DGKB: variants seen among roughly 807,000 people sequenced by gnomAD.
The protein encoded by DGKB is 90 kDa diacylglycerol kinase.
DGKB carries 67 observed loss-of-function variants against 114.3 expected under a neutral mutation model. That is an observed-to-expected ratio of 0.59 (90% CI 0.48 to 0.72). DGKB has a LOEUF of 0.72. Among genes scored for constraint, DGKB ranks in the 30% least tolerant of loss-of-function variants. The pLI, the probability that DGKB is intolerant of heterozygous loss-of-function variation, is 0.00. For missense variants in DGKB, 907 were observed against 975.2 expected (o/e 0.93, Z 0.93); for synonymous variants, 398 against 323.1 (o/e 1.23, Z -2.49).
intron 25 of DGKB, among the ~76,000 whole-genome samples, chr7:14,165,585 T>G (rs974671770): frequency 2.0e-5 from 3 of 152,284 alleles, no homozygotes; most frequent in Non-Finnish European, 4.4e-5. Context: ...CTATTGTTTC[T>G]TGAACTAAAA....
chr7:14,479,704 C>G (rs1212011332), intron 20 of DGKB, among the ~76,000 whole-genome samples: 5 of 152,014 alleles, frequency 3.3e-5, no homozygotes, highest in Non-Finnish European at 5.9e-5. Flanking sequence ...ACATATTATA[C>G]TTTATAATAT....
intron 20 of DGKB, among the ~76,000 whole-genome samples, chr7:14,513,567 T>A (rs1788305596): frequency 6.6e-6 from 1 of 152,070 alleles, no homozygotes; most frequent in Admixed American, 6.5e-5. Flanking sequence ...GTCAACAGAA[T>A]GATTTTATTA....
At chr7:14,199,265 C>T (rs551880013) in intron 23 of DGKB, among the ~76,000 whole-genome samples, 4 of 151,820 alleles carry the variant, frequency 2.6e-5, no homozygotes, top group Non-Finnish European at 4.4e-5. Context: ...AGTAATTGAG[C>T]GTGATGGGTC....
intron 13 of DGKB, among the ~76,000 whole-genome samples, chr7:14,644,115 G>GC (rs1341743253): frequency 1.1e-4 from 13 of 121,102 alleles, no homozygotes; most frequent in South Asian, 4.7e-4. Context: ...TTGATTACAG[G>GC]CAAAAAAAAA....
intron 20 of DGKB, among the ~76,000 whole-genome samples, chr7:14,573,151 A>G (rs1243459000): frequency 6.6e-6 from 1 of 152,170 alleles, no homozygotes; most frequent in African/African-American, 2.4e-5. Context: ...TACTGTTTTT[A>G]TACCAACGTG....
At position 14,343,034 on chromosome 7, in the gene DGKB, C is replaced by T. The variant is rs577540582; in HGVS notation, c.1926+2267G>A. Among the ~76,000 whole-genome samples, 19 of 151,620 alleles carry T rather than the reference C, an allele frequency of 1.3e-4. No individual in the cohort carries two copies. The South Asian group carries it at 2.3e-3, about 18-fold the overall frequency. On this transcript the variant is annotated intron_variant, in intron 22 of 25. Coordinates refer to ENST00000402815, the MANE Select transcript of DGKB (RefSeq NM_001350709.2). ...GCAACAACAAACAGAATCAAATTTTCGAATTTCTGTTTTTGTTATATTTAA... is the reference window on the plus strand; with the variant it reads ...GCAACAACAAACAGAATCAAATTTTTGAATTTCTGTTTTTGTTATATTTAA...
At chr7:14,542,808 T>C (rs748277697) in intron 20 of DGKB, among the ~76,000 whole-genome samples, 8 of 152,184 alleles carry the variant, frequency 5.3e-5, no homozygotes, top group Non-Finnish European at 8.8e-5. Context: ...TTGGAGATTT[T>C]ATCTGTTGTT....
intron 1 of DGKB, among the ~76,000 whole-genome samples, chr7:14,875,579 T>C (rs1035883614): frequency 2.6e-5 from 4 of 152,236 alleles, no homozygotes; most frequent in Non-Finnish European, 5.9e-5. Context: ...AGGACTACTG[T>C]TGATCTTCTT....
chr7:14,796,283 G>C (rs1422639315), intron 2 of DGKB, among the ~76,000 whole-genome samples: 1 of 152,106 alleles, frequency 6.6e-6, no homozygotes, highest in Non-Finnish European at 1.5e-5. Context: ...TTCTCTACTT[G>C]AAGAAGATCA....
chr7:14,378,212 T>C (rs1011723014), intron 21 of DGKB, among the ~76,000 whole-genome samples: 2 of 152,206 alleles, frequency 1.3e-5, no homozygotes, highest in East Asian at 1.9e-4. Context: ...GGGTCCCTTT[T>C]TTCTGCTACT....
intron 6 of DGKB, among the ~76,000 whole-genome samples, chr7:14,704,790 A>G (rs1461073528): frequency 6.6e-6 from 1 of 152,178 alleles, no homozygotes; most frequent in African/African-American, 2.4e-5. Context: ...AACAAACAGA[A>G]AGGACATCCA....
At chr7:14,912,830 C>G (rs1003197150) in intron 1 of DGKB, among the ~76,000 whole-genome samples, 1 of 152,168 alleles carries the variant, frequency 6.6e-6, no homozygotes, top group Non-Finnish European at 1.5e-5. Flanking sequence ...ACGTCTACCT[C>G]TTACCTACAG....
chr7:14,773,472 G>T (rs1562498661), intron 2 of DGKB, among the ~76,000 whole-genome samples: 1 of 152,194 alleles, frequency 6.6e-6, no homozygotes, highest in Admixed American at 6.6e-5. Context: ...CAGAGTCAGT[G>T]AATTTAAAGT....
rs76277254 is a variant in DGKB at position 14,570,147 on chromosome 7, T to G, written c.1770+4065A>C. Reference sequence around the variant, plus strand: ...ATTTTTATTACTTTTTTAAATTTTTTGTTTTTCACCATATGTTGTTTACTT... The same window carrying G: ...ATTTTTATTACTTTTTTAAATTTTTGGTTTTTCACCATATGTTGTTTACTT... On this transcript the variant is annotated intron_variant, in intron 20 of 25. Transcript: ENST00000402815. Among the ~76,000 whole-genome samples the G allele has an allele frequency of 5.7e-3, 860 of 151,612 alleles. 7 individuals are homozygous for G. Among genetic ancestry groups the G allele is most frequent in the Middle Eastern group, 0.021 (6 of 288 alleles).
chr7:14,706,470 T>G (rs1204648542), intron 6 of DGKB, among the ~76,000 whole-genome samples: 1 of 150,694 alleles, frequency 6.6e-6, no homozygotes, highest in Non-Finnish European at 1.5e-5. Context: ...GAGGACCTAA[T>G]ACACATCTAC....
At chr7:14,272,472 T>G (rs965026421) in intron 23 of DGKB, among the ~76,000 whole-genome samples, 2 of 152,208 alleles carry the variant, frequency 1.3e-5, no homozygotes, top group African/African-American at 4.8e-5. Flanking sequence ...AATTGAAGAT[T>G]TAGTTCAGAA....
chr7:14,209,436 A>G, intron 23 of DGKB: 1 of 471,544 alleles, frequency 2.1e-6, no homozygotes. Flanking sequence ...CTTCAGTAGG[A>G]CAGCAACTAC....
At position 14,146,540 on chromosome 7, in the gene DGKB, T is replaced by C. The variant is rs986913491; in HGVS notation, c.*2591A>G. 1.3e-5 allele frequency: 2 copies of C among 152,292 alleles called. No homozygotes were observed. The highest frequency in any genetic ancestry group is 1.9e-4 in the East Asian group (1 of 5,186). The allele number at this position is 152,292 out of a possible 1,614,324, so 9.4% of individuals were successfully genotyped here. On this transcript the variant is annotated 3_prime_UTR_variant, in exon 26 of 26. Transcript: ENST00000402815. ...CATCATTCAATATTTTAATATACTA[T>C]AGAATTTTCCTTAAACTATATATTT...
At chr7:14,484,706 T>C (rs1783508467) in intron 20 of DGKB, among the ~76,000 whole-genome samples, 1 of 152,176 alleles carries the variant, frequency 6.6e-6, no homozygotes, top group Non-Finnish European at 1.5e-5. Context: ...CAAGCAAGAA[T>C]GGCCTAACAC....
Sources: gnomAD v4.1 joint callset for allele counts (sites outside exome capture counted in the v4.1 genomes callset) on GRCh38, gnomAD v4.1.1 for gene constraint, MANE v1.5 for transcripts, NCBI Gene and HGNC (gene_info 2026-07-23, HGNC 2026-07-21) for gene names.